RIMBP2: variants seen among roughly 807,000 people sequenced by gnomAD.
The protein encoded by RIMBP2 is RIMS binding protein 2.
Under a neutral mutation model 118.6 loss-of-function variants are expected in RIMBP2, and 48 were observed. The observed-to-expected ratio is 0.40, with a 90% CI of 0.32 to 0.51. RIMBP2 has a LOEUF of 0.51. RIMBP2 is among the 20% of genes least tolerant of loss of function. RIMBP2 has a pLI of 0.41. For synonymous variants in RIMBP2, 762 were observed against 742.9 expected (o/e 1.03, Z -0.42); for missense variants, 1,551 against 1,768.3 (o/e 0.88, Z 2.20).
intron 2 of RIMBP2, among the ~76,000 whole-genome samples, chr12:130,528,957 T>C (rs1008499727): frequency 3.9e-5 from 6 of 152,366 alleles, no homozygotes; most frequent in Non-Finnish European, 7.3e-5. Flanking sequence ...CCCAGGCTTA[T>C]GCCCAGAGCA....
intron 1 of RIMBP2, among the ~76,000 whole-genome samples, chr12:130,698,940 CA>C (rs2065704061): frequency 6.6e-6 from 1 of 152,098 alleles, no homozygotes; most frequent in Non-Finnish European, 1.5e-5. Context: ...AGACACTTCT[CA>C]AAAGAAGACA....
chr12:130,439,695 G>A (rs1246427823), intron 11 of RIMBP2, among the ~76,000 whole-genome samples: 1 of 127,710 alleles, frequency 7.8e-6, no homozygotes, highest in African/African-American at 3.0e-5. Flanking sequence ...TTTTGTGTAC[G>A]TGGGTCTGTG....
rs2061402262 is a variant in RIMBP2, at chr12:130,622,842, A to AC, written c.-217+5479dup. 6.6e-6 allele frequency among the ~76,000 whole-genome samples: 1 copy of AC among 152,180 alleles called. No homozygotes were observed. The highest frequency in any genetic ancestry group is 1.5e-5 in the Non-Finnish European group (1 of 68,038). ...AGAAGACAAAATTTCTCTCTCTCTG[A>AC]CCCTGCTCAATGCTTAGATGTAACC... is the stretch of plus-strand genomic sequence containing the variant. On this transcript the variant is annotated intron_variant, in intron 2 of 22. Transcript: ENST00000690449. The surrounding 1 kb of genome is among the most constrained non-coding windows in gnomAD (Gnocchi z 8.5).
intron 1 of RIMBP2, among the ~76,000 whole-genome samples, chr12:130,697,877 T>C (rs751847059): frequency 3.3e-5 from 5 of 152,190 alleles, no homozygotes; most frequent in African/African-American, 7.2e-5. Context: ...GAAGAGACAG[T>C]GAGCTCCATT....
chr12:130,529,493 G>C (rs1206517222), intron 2 of RIMBP2, among the ~76,000 whole-genome samples: 1 of 152,212 alleles, frequency 6.6e-6, no homozygotes, highest in Non-Finnish European at 1.5e-5. Context: ...CTACCTGGCT[G>C]GTACAGGGTT....
rs905615799 is a variant in RIMBP2 at position 130,710,447 on chromosome 12, CACACACACACAT to C, written c.-352+5763_-352+5774del. On this transcript the variant is annotated intron_variant, in intron 1 of 22. Transcript: ENST00000690449. This position sits in a 1 kb window ranked among gnomAD's most constrained non-coding sequence, Gnocchi z 4.3. ...GCACACACACACATACACGCAGGCGCACACACACACATACACACACACACGTACACACACACA... is the reference window on the plus strand; with the variant it reads ...GCACACACACACATACACGCAGGCGCACACACACACACGTACACACACACA... 2.2e-4 allele frequency among the ~76,000 whole-genome samples: 34 copies of C among 151,834 alleles called. No individual in the cohort carries two copies. The highest frequency in any genetic ancestry group is 7.9e-4 in the African/African-American group (33 of 41,512).
At position 130,498,714 on chromosome 12, in the gene RIMBP2, C is replaced by T. The variant is rs148380491; in HGVS notation, c.-4+7934G>A. Among the ~76,000 whole-genome samples the T allele has an allele frequency of 5.6e-3, 855 of 151,712 alleles. 10 individuals carry two copies. The highest frequency in any genetic ancestry group is 0.02 in the African/African-American group (828 of 41,376). ...GCCACATGAGGAGAGAAATGTCTGG[C>T]CTGCCCCCTCTCTTCCAGCCATCCC... On this transcript the variant is annotated intron_variant, in intron 4 of 22. Transcript: ENST00000690449.
intron 12 of RIMBP2, 31 bp downstream of exon 12, chr12:130,438,334 A>ATCCGGGGGGGCCCCCCCCCCCC: frequency 7.4e-7 from 1 of 1,344,516 alleles, no homozygotes; most frequent in Non-Finnish European, 1.1e-6. Context: ...GGGCCTAACA[A>ATCCGGGGGGGCCCCCCCCCCCC]ACCCTCCCCA....
At chr12:130,587,533 C>T (rs1322031812) in intron 2 of RIMBP2, among the ~76,000 whole-genome samples, 2 of 89,196 alleles carry the variant, frequency 2.2e-5, no homozygotes, top group African/African-American at 9.0e-5. Flanking sequence ...TTTGTAGGGA[C>T]ATGGATGAAA....
chr12:130,627,088 G>A lies in RIMBP2; in HGVS notation c.-217+1234C>T, dbSNP rs553631531. Among the ~76,000 whole-genome samples the A allele has an allele frequency of 3.5e-4, 53 of 149,952 alleles. No homozygotes were observed. In the Middle Eastern group the frequency reaches 0.015, roughly 42 times the overall value. On this transcript the variant is annotated intron_variant, in intron 2 of 22. Coordinates refer to ENST00000690449, the MANE Select transcript of RIMBP2 (RefSeq NM_001393629.1). The stretch of plus-strand genomic sequence containing the variant: ...CAAGTCTACTGCCAGCATCACCACC[G>A]TCTCCTCCATCACTACAACTACCGC...
intron 3 of RIMBP2, among the ~76,000 whole-genome samples, chr12:130,509,539 T>G (rs548408776): frequency 3.3e-5 from 5 of 152,350 alleles, no homozygotes; most frequent in African/African-American, 1.2e-4. Context: ...TAAGGGCAGC[T>G]GCACACTGAG....
rs1234832931 is a variant in RIMBP2, at chr12:130,578,106, G to C, written c.-217+50216C>G. On this transcript the variant is annotated intron_variant, in intron 2 of 22. Coordinates refer to ENST00000690449, the MANE Select transcript of RIMBP2 (RefSeq NM_001393629.1). The surrounding 1 kb of genome is among the most constrained non-coding windows in gnomAD (Gnocchi z 4.1). ...TTTCACATTAAGCCATTATCACCCAGTAGCACACTGTGGCAAATTATTCAC... is the reference window on the plus strand; with the variant it reads ...TTTCACATTAAGCCATTATCACCCACTAGCACACTGTGGCAAATTATTCAC... 2.0e-5 allele frequency among the ~76,000 whole-genome samples: 3 copies of C among 152,310 alleles called. No homozygotes were observed. Among genetic ancestry groups the C allele is most frequent in the Admixed American group, 6.5e-5 (1 of 15,300 alleles).
intron 2 of RIMBP2, among the ~76,000 whole-genome samples, chr12:130,570,214 A>G (rs964214639): frequency 6.6e-6 from 1 of 152,124 alleles, no homozygotes; most frequent in Non-Finnish European, 1.5e-5. Context: ...ACTTGAGCCT[A>G]GGAGTTTGAG....
chr12:130,586,391 G>T (rs1290495810), intron 2 of RIMBP2, among the ~76,000 whole-genome samples: 3 of 152,186 alleles, frequency 2.0e-5, no homozygotes, highest in African/African-American at 7.2e-5. Context: ...GGCAGAAGTT[G>T]CAGTGAGCCA....
At chr12:130,679,228 T>C (rs376814464) in intron 1 of RIMBP2, among the ~76,000 whole-genome samples, 49 of 152,330 alleles carry the variant, frequency 3.2e-4, no homozygotes, top group African/African-American at 1.1e-3. Context: ...TAGGAAACCC[T>C]GCATTTATCA....
intron 1 of RIMBP2, among the ~76,000 whole-genome samples, chr12:130,715,748 G>A (rs770343606): frequency 7.8e-4 from 32 of 40,818 alleles, no homozygotes; most frequent in Non-Finnish European, 2.1e-3. Context: ...TTTGTCCCAC[G>A]TCCCCTTCCC....
intron 1 of RIMBP2, among the ~76,000 whole-genome samples, chr12:130,715,760 C>CA (rs1040251314): frequency 2.2e-5 from 3 of 134,908 alleles, no homozygotes; most frequent in African/African-American, 7.4e-5. Context: ...CCCCTTCCCC[C>CA]CCTCCACCCC....
chr12:130,669,257 A>G (rs547427327), intron 1 of RIMBP2: 8 of 152,390 alleles, frequency 5.2e-5, no homozygotes, highest in Non-Finnish European at 1.2e-4. Context: ...CAGCATGCAA[A>G]TAGCACGTGC....
chr12:130,451,400 T>C (rs1249355457), intron 7 of RIMBP2, 60 bp from the exon 8 acceptor site: 3 of 1,541,282 alleles, frequency 1.9e-6, no homozygotes, highest in Non-Finnish European at 2.6e-6. Flanking sequence ...TCAAAGCACG[T>C]TGGTCATGCG....
Sources: gnomAD v4.1 joint callset for allele counts (sites outside exome capture counted in the v4.1 genomes callset) on GRCh38, gnomAD v4.1.1 for gene constraint, Gnocchi (gnomAD v3.1) non-coding constraint, MANE v1.5 for transcripts, NCBI Gene and HGNC (gene_info 2026-07-23, HGNC 2026-07-21) for gene names.